Variants in HPS3 observed in about 807,000 individuals in gnomAD.
HPS3 encodes BLOC-2 complex member HPS3.
A neutral mutation model predicts 110.9 loss-of-function variants in HPS3; 79 were observed. The ratio of observed to expected loss-of-function variants is 0.71; its 90% CI spans 0.59 to 0.86. The LOEUF is 0.86. HPS3 is among the 40% of genes least tolerant of loss of function. The pLI is 0.00. For synonymous variants in HPS3, 428 were observed against 451.0 expected, an observed-to-expected ratio of 0.95 and a Z score of 0.65; for missense variants, 1,197 against 1,206.2, an observed-to-expected ratio of 0.99 and a Z score of 0.11.
intron 4 of HPS3, among the ~76,000 whole-genome samples, chr3:149,144,215 A>G (rs1487975670): frequency 1.5e-4 from 6 of 39,776 alleles, no homozygotes; most frequent in African/African-American, 2.2e-4. Flanking sequence ...TCTCTACTAG[A>G]AAAAAAAAAA....
chr3:149,168,972 C>A (rs1415177268), intron 16 of HPS3, among the ~76,000 whole-genome samples: 1 of 152,122 alleles, frequency 6.6e-6, no homozygotes, highest in African/African-American at 2.4e-5. Flanking sequence ...TCCACCCCAA[C>A]TCACCCATAA....
Position 149,172,318 on chromosome 3 carries a change from TCACACACACACACACACACACACA to T in HPS3, c.*111_*134del. On this transcript the variant is annotated 3_prime_UTR_variant, in exon 17 of 17. Coordinates refer to ENST00000296051, the MANE Select transcript of HPS3 (RefSeq NM_032383.5). ...GTAGAGGAGTTTTTTATTTTATATA[TCACACACACACACACACACACACA>T]CACACACACACACATATATGATACA... 4 of 570,776 alleles carry T rather than the reference TCACACACACACACACACACACACA, an allele frequency of 7.0e-6. No individual in the cohort carries two copies. In the East Asian group the frequency reaches 1.5e-4, roughly 21 times the overall value. The allele number at this position is 570,776 out of a possible 1,614,324, so 35.4% of individuals were successfully genotyped here. A position where few individuals can be genotyped will look rare whatever the true frequency, so the allele number is the denominator to read the frequency against.
intron 14 of HPS3, among the ~76,000 whole-genome samples, chr3:149,165,242 A>G (rs1724299681): frequency 6.6e-6 from 1 of 152,206 alleles, no homozygotes; most frequent in African/African-American, 2.4e-5. Context: ...TTCCTAGATC[A>G]TACACACTAA....
Position 149,129,732 on chromosome 3 carries a change from G to C in HPS3, c.9G>C (p.Gln3His), listed in dbSNP as rs372464061. Residue 3 changes from glutamine (Q) to histidine (H), a missense_variant, in exon 1 of 17, where the codon CAG (glutamine) becomes CAC (histidine). By Grantham distance (24) the Gln-to-His change is conservative (BLOSUM62 0). Transcript: ENST00000296051. Reference protein sequence around the residue: MVQLYNLHPFGSQ... With the variant: MVHLYNLHPFGSQ... ...TCCCGCCGGACGTCGGGATGGTGCA[G>C]CTGTACAACCTGCACCCGTTCGGGT... The C allele has an allele frequency of 3.1e-6, 5 of 1,600,046 alleles. No individual in the cohort carries two copies. The Admixed American group carries it at 8.4e-5, about 27-fold the overall frequency.
chr3:149,169,659 A>G (rs935592826), intron 16 of HPS3, among the ~76,000 whole-genome samples: 2 of 152,208 alleles, frequency 1.3e-5, no homozygotes, highest in African/African-American at 4.8e-5. Flanking sequence ...ATGTTGCCAG[A>G]TGTCCCCTGT....
intron 5 of HPS3, among the ~76,000 whole-genome samples, chr3:149,148,995 C>T (rs189321226): frequency 0.017 from 2,559 of 147,574 alleles, 80 homozygotes; most frequent in African/African-American, 0.06. Flanking sequence ...ACTCTGTCAC[C>T]CAGGCTGGAG....
At chr3:149,148,949 C>CTTTT (rs140573513) in intron 5 of HPS3, among the ~76,000 whole-genome samples, 3 of 102,488 alleles carry the variant, frequency 2.9e-5, no homozygotes, top group Admixed American at 1.1e-4. Flanking sequence ...GGAACCCTGC[C>CTTTT]TTTTTTTTTT....
At chr3:149,155,994 A>G (rs932504210) in intron 8 of HPS3, among the ~76,000 whole-genome samples, 2 of 152,178 alleles carry the variant, frequency 1.3e-5, no homozygotes, top group Non-Finnish European at 2.9e-5. Flanking sequence ...TGGTCGTACC[A>G]CTGCACTCCA....
chr3:149,133,591 G>C, intron 1 of HPS3, among the ~76,000 whole-genome samples: 1 of 152,106 alleles, frequency 6.6e-6, no homozygotes, highest in East Asian at 1.9e-4. Flanking sequence ...GAGCCACTGT[G>C]CCCGGCCCAT....
intron 1 of HPS3, among the ~76,000 whole-genome samples, chr3:149,135,463 G>A (rs1460550195): frequency 1.3e-5 from 2 of 152,068 alleles, no homozygotes; most frequent in Non-Finnish European, 2.9e-5. Flanking sequence ...GTTTTTAAGT[G>A]TCTGGCATTT....
At chr3:149,157,269 A>G in intron 8 of HPS3, 81 bp from the exon 9 acceptor site, 1 of 1,225,022 alleles carries the variant, frequency 8.2e-7, no homozygotes, top group Non-Finnish European at 1.2e-6. Context: ...TTTACTAACA[A>G]AATATATAAA....
At position 149,162,277 on chromosome 3, in the gene HPS3, C is replaced by T; in HGVS notation, c.2236C>T (p.Leu746=). 1 of 1,613,946 alleles carries T rather than the reference C, an allele frequency of 6.2e-7. No homozygotes were observed. Among genetic ancestry groups the T allele is most frequent in the Non-Finnish European group, 8.5e-7 (1 of 1,179,942 alleles). ...GCCTGGATTGCTTGTGGCTTCAGTT[C>T]TGGGCTTGCAGAAGAACAACAAAAT... is the stretch of plus-strand genomic sequence containing the variant. The part of the protein sequence containing the change: ...TQPGLLVASV[L]GLQKNNKIGI... The change falls in exon 12 of 17, where the codon CTG becomes TTG. Residue 746 remains leucine, a synonymous_variant. Transcript: ENST00000296051.
chr3:149,141,223 T>G, intron 3 of HPS3, 35 bp downstream of exon 3: 1 of 1,542,716 alleles, frequency 6.5e-7, no homozygotes, highest in Non-Finnish European at 8.9e-7. Context: ...TACCAGCATT[T>G]TATGTATATA....
At position 149,167,041 on chromosome 3, in the gene HPS3, T is replaced by G. The variant is rs1158481035; in HGVS notation, c.2597T>G (p.Ile866Arg). 6.2e-7 allele frequency: 1 copy of G among 1,611,454 alleles called. No homozygotes were observed. Among genetic ancestry groups the G allele is most frequent in the African/African-American group, 1.3e-5 (1 of 74,880 alleles). Residue 866 changes from isoleucine (I) to arginine (R), a missense_variant, in exon 15 of 17, where the codon ATA becomes AGA. By Grantham distance (97) the Ile-to-Arg change is moderately conservative. Coordinates refer to ENST00000296051, the MANE Select transcript of HPS3 (RefSeq NM_032383.5). ...TEDLSKLQSL[I>R]CGPSFDIASI... ...TCACTTTTCTGTTCATAGTCTCTTATATGTGGTCCTTCATTTGACATAGCT... is the reference window on the plus strand; with the variant it reads ...TCACTTTTCTGTTCATAGTCTCTTAGATGTGGTCCTTCATTTGACATAGCT...
intron 11 of HPS3, 132 bp downstream of exon 11, chr3:149,160,411 C>T (rs1723713018): frequency 1.4e-6 from 1 of 700,138 alleles, no homozygotes; most frequent in Non-Finnish European, 2.6e-6. Flanking sequence ...ATATTAGAAA[C>T]AAAGTGATCC....
At chr3:149,154,446 G>C (rs914327086) in intron 7 of HPS3, among the ~76,000 whole-genome samples, 3 of 152,226 alleles carry the variant, frequency 2.0e-5, no homozygotes, top group Non-Finnish European at 2.9e-5. Flanking sequence ...AGTGTACACA[G>C]AGTGGTCTGG....
chr3:149,162,112 G>A, intron 11 of HPS3, 36 bp from the exon 12 acceptor site: 3 of 1,533,834 alleles, frequency 2.0e-6, no homozygotes, highest in Non-Finnish European at 2.7e-6. Flanking sequence ...TAAATACAAT[G>A]TACCTTTTGT....
chr3:149,136,071 G>A (rs1182095393), intron 1 of HPS3, among the ~76,000 whole-genome samples: 1 of 151,122 alleles, frequency 6.6e-6, no homozygotes, highest in Non-Finnish European at 1.5e-5. Flanking sequence ...CTAAGCTCAA[G>A]AGTAAAAATG....
chr3:149,158,755 C>T lies in HPS3; in HGVS notation c.1781C>T (p.Thr594Ile), dbSNP rs770250894. 1 of 1,612,152 alleles carries T rather than the reference C, an allele frequency of 6.2e-7. No homozygotes were observed. The part of the protein sequence containing the change: ...MAEVLARTDW[T>I]VEDGLQKYER... ...GAAGTTCTGGCCCGCACGGACTGGA[C>T]AGTAGAGGATGGATTACAGAAATAC... The change falls in exon 10 of 17, where the codon ACA (threonine) becomes ATA (isoleucine). Residue 594 changes from threonine (T) to isoleucine (I), a missense_variant. By Grantham distance (89) the Thr-to-Ile change is moderately conservative. Coordinates refer to ENST00000296051, the MANE Select transcript of HPS3 (RefSeq NM_032383.5).
Sources: gnomAD v4.1 joint callset for allele counts (sites outside exome capture counted in the v4.1 genomes callset) on GRCh38, gnomAD v4.1.1 for gene constraint, MANE v1.5 for transcripts, NCBI Gene and HGNC (gene_info 2026-07-23, HGNC 2026-07-21) for gene names.